NEK1: variants seen among roughly 807,000 people sequenced by gnomAD.
NEK1 encodes serine/threonine-protein kinase Nek1.
A neutral mutation model predicts 182.1 loss-of-function variants in NEK1; 137 were observed. That is an observed-to-expected ratio of 0.75 (90% CI 0.65 to 0.87). The LOEUF (loss-of-function observed/expected upper bound fraction) is 0.87, where lower values mean the gene tolerates loss of function less well. Ranked by LOEUF, NEK1 falls within the 40% of genes least tolerant of loss-of-function variation. The probability of loss-of-function intolerance (pLI) is 0.00; values close to 1 mark genes in which losing one functional copy is unlikely to be tolerated. For missense variants in NEK1, 1,391 were observed against 1,494.4 expected, an observed-to-expected ratio of 0.93 and a Z score of 1.14; for synonymous variants, 513 against 492.2, an observed-to-expected ratio of 1.04 and a Z score of -0.56.
At chr4:169,500,253 G>A (rs140158995) in intron 23 of NEK1, among the ~76,000 whole-genome samples, 2 of 152,268 alleles carry the variant, frequency 1.3e-5, no homozygotes, top group East Asian at 1.9e-4. Flanking sequence ...TTGGAAAATC[G>A]CAGTATTAGG....
chr4:169,432,365 T>C (rs921595572), intron 29 of NEK1, among the ~76,000 whole-genome samples: 9 of 152,160 alleles, frequency 5.9e-5, no homozygotes, highest in African/African-American at 2.2e-4. Flanking sequence ...AAAAATGCAG[T>C]TGACCAAGCA....
intron 31 of NEK1, among the ~76,000 whole-genome samples, chr4:169,411,992 T>C (rs1337393706): frequency 6.6e-6 from 1 of 152,228 alleles, no homozygotes; most frequent in Non-Finnish European, 1.5e-5. Context: ...CTAGCCTTGC[T>C]TCAATTTTTC....
chr4:169,513,336 A>G (rs2149713985), intron 19 of NEK1, among the ~76,000 whole-genome samples: 1 of 152,250 alleles, frequency 6.6e-6, no homozygotes, highest in Non-Finnish European at 1.5e-5. Flanking sequence ...ATTCTTTGGA[A>G]CAACTGTAAA....
chr4:169,406,791 TA>T, intron 31 of NEK1, 44 bp from the exon 32 acceptor site: 2 of 1,479,262 alleles, frequency 1.4e-6, no homozygotes, highest in South Asian at 2.6e-5. Context: ...GAAAGATAAT[TA>T]AAACATAAAA....
At chr4:169,580,543 C>T (rs1255287993) in intron 11 of NEK1, among the ~76,000 whole-genome samples, 1 of 136,494 alleles carries the variant, frequency 7.3e-6, no homozygotes, top group African/African-American at 2.7e-5. Context: ...AAGATTTACA[C>T]AAAAATTGGA....
At chr4:169,600,730 T>C (rs1560786850) in intron 4 of NEK1, among the ~76,000 whole-genome samples, 1 of 152,234 alleles carries the variant, frequency 6.6e-6, no homozygotes, top group Non-Finnish European at 1.5e-5. Context: ...ACTATTTATA[T>C]GTATATAGAT....
At chr4:169,606,321 G>A (rs1298328883) in intron 2 of NEK1, among the ~76,000 whole-genome samples, 2 of 150,322 alleles carry the variant, frequency 1.3e-5, no homozygotes, top group Non-Finnish European at 3.0e-5. Context: ...TGACTTTAAA[G>A]GGATTACCAA....
intron 31 of NEK1, among the ~76,000 whole-genome samples, chr4:169,423,719 T>C (rs1295652486): frequency 6.6e-6 from 1 of 152,092 alleles, no homozygotes; most frequent in African/African-American, 2.4e-5. Flanking sequence ...GAAATAATTG[T>C]AGATATGTAC....
chr4:169,562,217 C>A, intron 12 of NEK1, 21 bp from the exon 13 acceptor site: 1 of 1,479,984 alleles, frequency 6.8e-7, no homozygotes. Context: ...AGTAAAACTA[C>A]AAATTAAATA....
At chr4:169,567,120 C>A (rs993296163) in intron 12 of NEK1, among the ~76,000 whole-genome samples, 1 of 151,922 alleles carries the variant, frequency 6.6e-6, no homozygotes, top group Non-Finnish European at 1.5e-5. Context: ...AAGGGAAAAA[C>A]CTATATTTAC....
intron 15 of NEK1, 29 bp from the exon 16 acceptor site, chr4:169,561,583 C>T: frequency 6.2e-7 from 1 of 1,605,312 alleles, no homozygotes; most frequent in Non-Finnish European, 8.5e-7. Flanking sequence ...AACAAAACAC[C>T]ATTTCAAGTA....
At chr4:169,468,938 T>C (rs1211215022) in intron 26 of NEK1, among the ~76,000 whole-genome samples, 4 of 152,228 alleles carry the variant, frequency 2.6e-5, no homozygotes, top group Admixed American at 2.6e-4. Flanking sequence ...GATGGTAGTC[T>C]GTATTTCTGT....
At chr4:169,455,760 G>GTAGCACTGCCTAGGGGTCATCA (rs1225411857) in intron 27 of NEK1, among the ~76,000 whole-genome samples, 1 of 152,082 alleles carries the variant, frequency 6.6e-6, no homozygotes, top group Non-Finnish European at 1.5e-5. Context: ...CTCTAGTCTA[G>GTAGCACTGCCTAGGGGTCATCA]TAGCACTGCC....
intron 19 of NEK1, among the ~76,000 whole-genome samples, chr4:169,534,370 C>T (rs1186566876): frequency 6.6e-6 from 1 of 152,160 alleles, no homozygotes; most frequent in East Asian, 1.9e-4. Flanking sequence ...GGTAACCAAA[C>T]AGAGCTTGGC....
At chr4:169,467,711 A>G (rs1745190330) in intron 26 of NEK1, among the ~76,000 whole-genome samples, 1 of 152,052 alleles carries the variant, frequency 6.6e-6, no homozygotes, top group African/African-American at 2.4e-5. Flanking sequence ...ATCCAATCAC[A>G]TTAATAATCA....
intron 19 of NEK1, among the ~76,000 whole-genome samples, chr4:169,536,086 G>A (rs1758449214): frequency 6.6e-6 from 1 of 151,682 alleles, no homozygotes; most frequent in African/African-American, 2.4e-5. Flanking sequence ...CCTGAGGTCT[G>A]GAGTTCAAGA....
chr4:169,446,271 G>GA (rs1268879994), intron 27 of NEK1, among the ~76,000 whole-genome samples: 1 of 151,496 alleles, frequency 6.6e-6, no homozygotes, highest in Admixed American at 6.6e-5. Flanking sequence ...AAACAAAATT[G>GA]AAAAACCACT....
At chr4:169,540,075 T>C (rs1012656987) in intron 18 of NEK1, among the ~76,000 whole-genome samples, 1 of 152,166 alleles carries the variant, frequency 6.6e-6, no homozygotes, top group African/African-American at 2.4e-5. Flanking sequence ...TTTTGCTTCA[T>C]TGAACAGCTG....
intron 23 of NEK1, among the ~76,000 whole-genome samples, chr4:169,485,391 T>G (rs28735373): frequency 0.088 from 13,387 of 152,244 alleles, 768 homozygotes; most frequent in African/African-American, 0.16. Flanking sequence ...TGTCATACAC[T>G]TAAGTAACTT....
Sources: allele counts gnomAD v4.1 joint callset (sites outside exome capture counted in the v4.1 genomes callset), GRCh38; gene constraint gnomAD v4.1.1; transcripts MANE v1.5; gene names NCBI Gene and HGNC (gene_info 2026-07-23, HGNC 2026-07-21).